Variants in CCDC171 observed in about 807,000 individuals in gnomAD.
CCDC171 encodes the protein coiled-coil domain-containing protein 171.
A neutral mutation model predicts 168.2 loss-of-function variants in CCDC171; 177 were observed. The observed-to-expected ratio is 1.05, with a 90% CI of 0.93 to 1.19. The LOEUF is 1.19. Among genes scored for constraint, CCDC171 ranks in the 50% most tolerant of loss-of-function variants. The pLI is 0.00. For synonymous variants in CCDC171, 687 were observed against 540.8 expected (o/e 1.27, Z -3.75); for missense variants, 1,991 against 1,539.0 (o/e 1.29, Z -4.91).
intron 25 of CCDC171, among the ~76,000 whole-genome samples, chr9:15,967,850 A>C (rs181971325): frequency 2.8e-4 from 42 of 152,350 alleles, no homozygotes; most frequent in Admixed American, 2.0e-3. Flanking sequence ...ACTTGATCAT[A>C]AATGTTACAC....
chr9:15,784,525 A>G lies in CCDC171; in HGVS notation c.3098A>G (p.Glu1033Gly). The change falls in exon 21 of 26, where the codon GAG (glutamate) becomes GGG (glycine). Residue 1033 changes from glutamate (E) to glycine (G), a missense_variant. Transcript: ENST00000380701. ...EFKQSKLITH[E>G]KFESACEELN... The stretch of plus-strand genomic sequence containing the variant: ...TTTTTACAGAAATTGATCACCCATG[A>G]GAAGTTTGAAAGTGCATGTGAAGAA... The G allele has an allele frequency of 6.2e-7, 1 of 1,612,510 alleles. No homozygotes were observed. Among genetic ancestry groups the G allele is most frequent in the Non-Finnish European group, 8.5e-7 (1 of 1,178,936 alleles).
chr9:15,823,601 A>G (rs897185265), intron 21 of CCDC171, among the ~76,000 whole-genome samples: 1 of 152,148 alleles, frequency 6.6e-6, no homozygotes, highest in African/African-American at 2.4e-5. Context: ...AGAAAGAAAA[A>G]TAATTGCAAA....
chr9:15,815,175 C>G (rs1295113848), intron 21 of CCDC171, among the ~76,000 whole-genome samples: 1 of 152,268 alleles, frequency 6.6e-6, no homozygotes, highest in Middle Eastern at 3.4e-3. Context: ...TTCATCCCAT[C>G]AAGCTGTTAG....
the CCDC171 span, among the ~76,000 whole-genome samples, chr9:16,103,523 G>C: frequency 6.6e-6 from 1 of 152,204 alleles, no homozygotes; most frequent in Non-Finnish European, 1.5e-5. Flanking sequence ...AGAGCCCCTT[G>C]TTTTCATCTG....
intron 4 of CCDC171, among the ~76,000 whole-genome samples, chr9:15,580,844 G>C (rs186411501): frequency 6.6e-6 from 1 of 152,108 alleles, no homozygotes; most frequent in African/African-American, 2.4e-5. Flanking sequence ...AACTAAAACT[G>C]GAAGCATTCC....
chr9:15,690,659 T>C (rs1454898721), intron 10 of CCDC171, among the ~76,000 whole-genome samples: 1 of 152,146 alleles, frequency 6.6e-6, no homozygotes, highest in Non-Finnish European at 1.5e-5. Context: ...ATTTGCACAC[T>C]TGATCACTTG....
At chr9:15,915,507 T>G (rs1824377627) in intron 24 of CCDC171, among the ~76,000 whole-genome samples, 1 of 152,180 alleles carries the variant, frequency 6.6e-6, no homozygotes, top group African/African-American at 2.4e-5. Context: ...AATCTAAGTG[T>G]TTTTTGGTGG....
chr9:15,770,905 T>C (rs898886736), intron 18 of CCDC171, among the ~76,000 whole-genome samples: 1 of 152,180 alleles, frequency 6.6e-6, no homozygotes, highest in Non-Finnish European at 1.5e-5. Flanking sequence ...ATCCCATACA[T>C]GTGTACAAAT....
At chr9:15,700,686 A>T (rs1318667730) in intron 11 of CCDC171, among the ~76,000 whole-genome samples, 2 of 150,214 alleles carry the variant, frequency 1.3e-5, no homozygotes, top group Non-Finnish European at 3.0e-5. Flanking sequence ...GACTCTTGGG[A>T]TGTTGCCCAG....
At chr9:15,716,317 T>G (rs2134111317) in intron 11 of CCDC171, among the ~76,000 whole-genome samples, 1 of 152,358 alleles carries the variant, frequency 6.6e-6, no homozygotes, top group South Asian at 2.1e-4. Flanking sequence ...AGATCTTTTT[T>G]GCTACTCTTT....
At chr9:15,976,589 A>G (rs576227328), downstream of CCDC171, among the ~76,000 whole-genome samples, 11 of 152,048 alleles carry the variant, frequency 7.2e-5, no homozygotes, top group African/African-American at 2.6e-4. Context: ...TTTCTTACAA[A>G]AGAAATTGAA....
chr9:15,985,398 C>CA (rs2132884576), intron 3 of CCDC171, among the ~76,000 whole-genome samples: 1 of 152,268 alleles, frequency 6.6e-6, no homozygotes, highest in Admixed American at 6.5e-5. Flanking sequence ...ATCTGTAAGT[C>CA]AGCAGCAGTA....
At chr9:15,726,924 C>T (rs1008866432) in intron 14 of CCDC171, among the ~76,000 whole-genome samples, 2 of 152,046 alleles carry the variant, frequency 1.3e-5, no homozygotes, top group African/African-American at 4.8e-5. Context: ...TGGGACTTTA[C>T]AGATGAAACA....
chr9:15,663,613 T>C (rs558408462), intron 8 of CCDC171, among the ~76,000 whole-genome samples: 2 of 150,740 alleles, frequency 1.3e-5, no homozygotes, highest in East Asian at 1.9e-4. Flanking sequence ...TTTTTCTTTT[T>C]TTTTTTTTTT....
intron 20 of CCDC171, among the ~76,000 whole-genome samples, chr9:15,781,742 A>C (rs2057678767): frequency 6.6e-6 from 1 of 152,162 alleles, no homozygotes; most frequent in Admixed American, 6.6e-5. Flanking sequence ...TTGTCCTATA[A>C]TTATAAGTTA....
chr9:15,632,382 C>T (rs904341824), intron 7 of CCDC171, among the ~76,000 whole-genome samples: 2 of 151,866 alleles, frequency 1.3e-5, no homozygotes, highest in Non-Finnish European at 2.9e-5. Context: ...CAATAACAGA[C>T]AAACAGAGAG....
intron 21 of CCDC171, among the ~76,000 whole-genome samples, chr9:15,807,059 C>T (rs2059114801): frequency 6.6e-6 from 1 of 152,084 alleles, no homozygotes; most frequent in South Asian, 2.1e-4. Flanking sequence ...TGTGTTTTTC[C>T]CCTCTGTCAG....
chr9:15,970,250 A>G (rs1213712353), intron 25 of CCDC171, among the ~76,000 whole-genome samples: 3 of 152,182 alleles, frequency 2.0e-5, no homozygotes, highest in East Asian at 1.9e-4. Flanking sequence ...ACAACAGTTG[A>G]ATTTCTAATA....
the CCDC171 span, among the ~76,000 whole-genome samples, chr9:16,069,113 G>A: frequency 1.3e-5 from 2 of 152,170 alleles, no homozygotes; most frequent in Non-Finnish European, 2.9e-5. Flanking sequence ...GCCACTCCCT[G>A]GCCTTGGTAT....
Sources: allele counts gnomAD v4.1 joint callset (sites outside exome capture counted in the v4.1 genomes callset), GRCh38; gene constraint gnomAD v4.1.1; transcripts MANE v1.5; gene names NCBI Gene and HGNC (gene_info 2026-07-23, HGNC 2026-07-21).